ALK: variants seen among roughly 807,000 people sequenced by gnomAD.
The protein encoded by ALK is ALK receptor tyrosine kinase, also known as ALK tyrosine kinase receptor.
Under a neutral mutation model 163.1 loss-of-function variants are expected in ALK, and 74 were observed. The observed-to-expected ratio is 0.45, with a 90% confidence interval of 0.38 to 0.55. The LOEUF is 0.55. Ranked by LOEUF, ALK falls within the 20% of genes least tolerant of loss-of-function variation. The probability of loss-of-function intolerance (pLI) is 0.00; values close to 1 mark genes in which losing one functional copy is unlikely to be tolerated. For synonymous variants in ALK, 960 were observed against 843.2 expected (o/e 1.14, Z -2.40); for missense variants, 2,063 against 2,105.3 (o/e 0.98, Z 0.39).
At chr2:29,390,827 C>T (rs1471354117) in intron 4 of ALK, among the ~76,000 whole-genome samples, 1 of 152,204 alleles carries the variant, frequency 6.6e-6, no homozygotes, top group Non-Finnish European at 1.5e-5. Flanking sequence ...TATTAATTTT[C>T]TGTAATAATA....
At chr2:29,668,528 A>G (rs1677586591) in intron 3 of ALK, among the ~76,000 whole-genome samples, 1 of 152,072 alleles carries the variant, frequency 6.6e-6, no homozygotes, top group African/African-American at 2.4e-5. Flanking sequence ...GTTCAGGAGC[A>G]TGTTGTTTAA....
chr2:29,655,633 G>C (rs954030), intron 3 of ALK, among the ~76,000 whole-genome samples: 18,950 of 152,036 alleles, frequency 0.12, 2,709 homozygotes, highest in African/African-American at 0.35. Flanking sequence ...CATGATCTCT[G>C]GACTCTAACA....
At chr2:29,904,759 C>T (rs1667495393) in intron 1 of ALK, among the ~76,000 whole-genome samples, 1 of 152,182 alleles carries the variant, frequency 6.6e-6, no homozygotes, top group South Asian at 2.1e-4. Context: ...TTCCTTAACA[C>T]AATGTAATAT....
At chr2:29,288,354 C>T (rs1432430561) in intron 9 of ALK, among the ~76,000 whole-genome samples, 2 of 152,192 alleles carry the variant, frequency 1.3e-5, no homozygotes, top group African/African-American at 4.8e-5. Context: ...GTCCTGACCA[C>T]ACACCCATAT....
intron 4 of ALK, among the ~76,000 whole-genome samples, chr2:29,530,786 T>C (rs191157303): frequency 3.7e-4 from 57 of 152,280 alleles, no homozygotes; most frequent in Non-Finnish European, 7.2e-4. Flanking sequence ...CAAGAGTCCT[T>C]GGTAGCTGGG....
At chr2:29,892,801 C>T (rs1439147157) in intron 1 of ALK, among the ~76,000 whole-genome samples, 1 of 152,180 alleles carries the variant, frequency 6.6e-6, no homozygotes, top group Non-Finnish European at 1.5e-5. Context: ...TACTTCCCAA[C>T]TGTGTATAAT....
intron 1 of ALK, among the ~76,000 whole-genome samples, chr2:29,793,746 T>C (rs543428349): frequency 1.3e-5 from 2 of 152,224 alleles, no homozygotes; most frequent in Non-Finnish European, 2.9e-5. Flanking sequence ...CAGTAGGTAT[T>C]AAAAATGAGC....
At chr2:29,297,985 C>A (rs764068218) in intron 8 of ALK, among the ~76,000 whole-genome samples, 2 of 152,172 alleles carry the variant, frequency 1.3e-5, no homozygotes, top group Non-Finnish European at 1.5e-5. Context: ...AAGGTACCCC[C>A]TTTTTACTGA....
At position 29,831,290 on chromosome 2, in the gene ALK, G is replaced by T. The variant is rs1199977380; in HGVS notation, c.667+88703C>A. Among the ~76,000 whole-genome samples the T allele has an allele frequency of 5.8e-5, 8 of 138,018 alleles. 2 individuals are homozygous for T. Among genetic ancestry groups the T allele is most frequent in the African/African-American group, 2.1e-4 (8 of 37,700 alleles). The allele number at this position is 138,018 out of a possible 152,430, so 90.5% of individuals were successfully genotyped here. On this transcript the variant is annotated intron_variant, in intron 1 of 28. Coordinates refer to ENST00000389048, the MANE Select transcript of ALK (RefSeq NM_004304.5). ...AGAAGAAGAAGAAGAAGAAGAAGAAGAAGAAGAAGAAGAAGAAGAAGAAGA... is the reference window on the plus strand; with the variant it reads ...AGAAGAAGAAGAAGAAGAAGAAGAATAAGAAGAAGAAGAAGAAGAAGAAGA...
chr2:29,671,478 C>T (rs932752519), intron 3 of ALK, among the ~76,000 whole-genome samples: 2 of 152,066 alleles, frequency 1.3e-5, no homozygotes, highest in African/African-American at 2.4e-5. Context: ...ATATTTTTCC[C>T]TTTAGACAAT....
intron 4 of ALK, among the ~76,000 whole-genome samples, chr2:29,420,880 C>T: frequency 6.6e-6 from 1 of 151,652 alleles, no homozygotes; most frequent in Non-Finnish European, 1.5e-5. Context: ...AAAGAGAATG[C>T]TAGCCAGACC....
At chr2:29,773,053 T>C (rs1460596064) in intron 1 of ALK, among the ~76,000 whole-genome samples, 3 of 152,194 alleles carry the variant, frequency 2.0e-5, no homozygotes, top group African/African-American at 7.2e-5. Context: ...CCAACCAACA[T>C]TGATGTTGGA....
intron 9 of ALK, among the ~76,000 whole-genome samples, chr2:29,284,163 G>C (rs1303244154): frequency 6.6e-6 from 1 of 152,200 alleles, no homozygotes; most frequent in Non-Finnish European, 1.5e-5. Flanking sequence ...ACTAGGCAGT[G>C]GGGTGTGCTG....
chr2:29,798,080 C>T (rs890603573), intron 1 of ALK, among the ~76,000 whole-genome samples: 2 of 152,168 alleles, frequency 1.3e-5, no homozygotes, highest in African/African-American at 2.4e-5. Flanking sequence ...ACTACGATCC[C>T]AGAGGGCAAA....
intron 4 of ALK, among the ~76,000 whole-genome samples, chr2:29,401,015 C>T (rs945861171): frequency 1.3e-5 from 2 of 151,820 alleles, no homozygotes; most frequent in Admixed American, 6.6e-5. Flanking sequence ...CACAATTAAA[C>T]CTTCTTTCAG....
chr2:29,306,270 A>C (rs1666506462), intron 8 of ALK, among the ~76,000 whole-genome samples: 1 of 152,250 alleles, frequency 6.6e-6, no homozygotes, highest in South Asian at 2.1e-4. Context: ...TTGAAGGCTT[A>C]GAGACGTTAA....
At chr2:29,722,283 CAAGT>C (rs1679443233) in intron 1 of ALK, among the ~76,000 whole-genome samples, 1 of 152,240 alleles carries the variant, frequency 6.6e-6, no homozygotes, top group Non-Finnish European at 1.5e-5. Context: ...CAATAAATTT[CAAGT>C]GAGTGCGGGA....
At chr2:29,855,251 A>T (rs924114537) in intron 1 of ALK, among the ~76,000 whole-genome samples, 5 of 152,138 alleles carry the variant, frequency 3.3e-5, no homozygotes, top group Admixed American at 2.0e-4. Flanking sequence ...TATTATTATT[A>T]TTTTTTCCTT....
chr2:29,850,485 C>A (rs1665962056), intron 1 of ALK, among the ~76,000 whole-genome samples: 1 of 152,138 alleles, frequency 6.6e-6, no homozygotes, highest in Non-Finnish European at 1.5e-5. Context: ...AAAACAAGGG[C>A]AAAGCCAGCA....
Sources: gnomAD v4.1 joint callset for allele counts (sites outside exome capture counted in the v4.1 genomes callset) on GRCh38, gnomAD v4.1.1 for gene constraint, MANE v1.5 for transcripts, NCBI Gene and HGNC (gene_info 2026-07-23, HGNC 2026-07-21) for gene names.